Variants in RHEX observed in about 807,000 individuals in gnomAD.
RHEX encodes the protein regulator of hemoglobinization and erythroid cell expansion protein.
A neutral mutation model predicts 20.1 loss-of-function variants in RHEX; 18 were observed. The observed-to-expected ratio is 0.90, with a 90% CI of 0.62 to 1.33. The LOEUF (loss-of-function observed/expected upper bound fraction) is 1.33. Among genes scored for constraint, RHEX ranks in the 40% most tolerant of loss-of-function variants. The pLI, the probability that RHEX is intolerant of heterozygous loss-of-function variation, is 0.00. For synonymous variants in RHEX, 87 were observed against 77.1 expected (o/e 1.13, Z -0.67); for missense variants, 192 against 214.3 (o/e 0.90, Z 0.65).
intron 1 of RHEX, among the ~76,000 whole-genome samples, chr1:206,074,870 A>G (rs1553285044): frequency 6.6e-6 from 1 of 152,150 alleles, no homozygotes; most frequent in Non-Finnish European, 1.5e-5. Context: ...CAGCCCCCTC[A>G]TAGGTGATGT....
chr1:206,096,210 T>C (rs1322463009), intron 1 of RHEX, among the ~76,000 whole-genome samples: 2 of 152,246 alleles, frequency 1.3e-5, no homozygotes, highest in Non-Finnish European at 2.9e-5. Flanking sequence ...AGTTGTGTAA[T>C]TTTAAATAAA....
intron 1 of RHEX, among the ~76,000 whole-genome samples, chr1:206,054,359 C>G (rs1662143518): frequency 6.6e-6 from 1 of 152,062 alleles, no homozygotes; most frequent in Admixed American, 6.5e-5. Context: ...CTCCTGAGTA[C>G]TATTAAAAAA....
At chr1:206,081,106 G>T (rs1300576202) in intron 1 of RHEX, among the ~76,000 whole-genome samples, 1 of 152,168 alleles carries the variant, frequency 6.6e-6, no homozygotes, top group Non-Finnish European at 1.5e-5. Context: ...TTTCCAAAGT[G>T]CTGGAACTAT....
intron 1 of RHEX, among the ~76,000 whole-genome samples, chr1:206,074,139 G>C (rs1662587494): frequency 6.6e-6 from 1 of 152,118 alleles, no homozygotes; most frequent in African/African-American, 2.4e-5. Flanking sequence ...CCACTCCCTA[G>C]ATCAGAGTTG....
chr1:206,075,419 A>T (rs1235161252), intron 1 of RHEX, among the ~76,000 whole-genome samples: 8 of 152,196 alleles, frequency 5.3e-5, no homozygotes, highest in African/African-American at 1.9e-4. Flanking sequence ...CAGATCTATG[A>T]TGATGGACTG....
At chr1:206,068,423 A>C (rs139860457) in intron 1 of RHEX, among the ~76,000 whole-genome samples, 2,139 of 152,310 alleles carry the variant, frequency 0.014, 58 homozygotes, top group Admixed American at 0.071. Context: ...GCCACTGAAC[A>C]CAGACATGCC....
In RHEX at chr1:206,056,114, C is replaced by T. The variant is rs549777912; in HGVS notation, c.-97+2849C>T. Among the ~76,000 whole-genome samples, 9 of 152,362 alleles carry T rather than the reference C, an allele frequency of 5.9e-5. No homozygotes were observed. The South Asian group carries it at 8.3e-4, about 14-fold the overall frequency. On this transcript the variant is annotated intron_variant, in intron 1 of 5. Coordinates refer to ENST00000331555, the MANE Select transcript of RHEX (RefSeq NM_001007544.4). ...ATTGAAGTTTGCAACACCTAAACCC[C>T]GCCACCTTCCTCCCGGTGTCAGAGA...
intron 1 of RHEX, among the ~76,000 whole-genome samples, chr1:206,059,937 C>G (rs937788209): frequency 3.9e-5 from 6 of 152,160 alleles, no homozygotes; most frequent in Non-Finnish European, 8.8e-5. Context: ...CCTGTCAACC[C>G]CTCTCACATG....
intron 1 of RHEX, among the ~76,000 whole-genome samples, chr1:206,054,229 T>G (rs1662139012): frequency 7.0e-6 from 1 of 143,032 alleles, no homozygotes; most frequent in Non-Finnish European, 1.5e-5. Flanking sequence ...AGAAAAAAAA[T>G]GTTTGTAATA....
intron 1 of RHEX, among the ~76,000 whole-genome samples, chr1:206,064,121 G>T (rs1219811698): frequency 2.1e-5 from 3 of 146,068 alleles, no homozygotes; most frequent in Non-Finnish European, 4.5e-5. Context: ...CTGCCCGGCC[G>T]CCCCGTCTGA....
chr1:206,099,444 T>G (rs914343211), intron 3 of RHEX, among the ~76,000 whole-genome samples: 2 of 151,864 alleles, frequency 1.3e-5, no homozygotes, highest in African/African-American at 4.8e-5. Flanking sequence ...TCAGCCTCCC[T>G]AGTATCTGAC....
intron 1 of RHEX, among the ~76,000 whole-genome samples, chr1:206,081,900 A>T (rs1308042169): frequency 6.6e-6 from 1 of 152,178 alleles, no homozygotes; most frequent in Non-Finnish European, 1.5e-5. Context: ...TGATCCCCAC[A>T]GTTAGCTGTA....
intron 1 of RHEX, among the ~76,000 whole-genome samples, chr1:206,075,604 CTT>C (rs1195410311): frequency 9.0e-5 from 13 of 143,744 alleles, no homozygotes; most frequent in South Asian, 2.2e-4. Flanking sequence ...ATGCCAAAGT[CTT>C]TTTTTTTTTT....
intron 1 of RHEX, among the ~76,000 whole-genome samples, chr1:206,070,864 A>G (rs1315053020): frequency 3.3e-5 from 5 of 152,192 alleles, no homozygotes; most frequent in African/African-American, 1.2e-4. Context: ...ACACTTGGCA[A>G]GGTAACTAAT....
At chr1:206,059,567 T>C (rs372033849) in intron 1 of RHEX, among the ~76,000 whole-genome samples, 4 of 152,238 alleles carry the variant, frequency 2.6e-5, no homozygotes, top group African/African-American at 9.6e-5. Context: ...GGCTGAATCA[T>C]GCAGCTTCAC....
chr1:206,068,179 A>G (rs28624812), intron 1 of RHEX, among the ~76,000 whole-genome samples: 5,602 of 152,296 alleles, frequency 0.037, 365 homozygotes, highest in African/African-American at 0.13. Context: ...TAAAAGTGTC[A>G]TAGTTTGGAC....
At chr1:206,062,576 T>C (rs1662327753) in intron 1 of RHEX, among the ~76,000 whole-genome samples, 1 of 152,232 alleles carries the variant, frequency 6.6e-6, no homozygotes, top group African/African-American at 2.4e-5. Context: ...CATGGCTGAC[T>C]GCCTCGTGTG....
chr1:206,084,091 G>A (rs1348343490), intron 1 of RHEX, among the ~76,000 whole-genome samples: 10 of 152,162 alleles, frequency 6.6e-5, no homozygotes, highest in Non-Finnish European at 4.4e-5. Flanking sequence ...TCCTTTTTAA[G>A]TCAAATGGGA....
chr1:206,088,242 C>T (rs1213189001), intron 1 of RHEX, among the ~76,000 whole-genome samples: 1 of 152,088 alleles, frequency 6.6e-6, no homozygotes, highest in Admixed American at 6.5e-5. Context: ...ATCCTCAATC[C>T]CAATACCTGG....
Sources: allele counts gnomAD v4.1 joint callset (sites outside exome capture counted in the v4.1 genomes callset), GRCh38; gene constraint gnomAD v4.1.1; transcripts MANE v1.5; gene names NCBI Gene and HGNC (gene_info 2026-07-23, HGNC 2026-07-21).